The following RC3H1 variants were observed in gnomAD, a reference collection of about 807,000 sequenced individuals.
The protein encoded by RC3H1 is ring finger and CCCH-type domains 1.
RC3H1 carries 50 observed loss-of-function variants against 138.2 expected under a neutral mutation model. That is an observed-to-expected ratio of 0.36 (90% CI 0.29 to 0.46). The LOEUF is 0.46. Among genes scored for constraint, RC3H1 ranks in the 20% least tolerant of loss-of-function variants. The probability of loss-of-function intolerance (pLI) is 1.00; values close to 1 mark genes in which losing one functional copy is unlikely to be tolerated. For synonymous variants in RC3H1, 462 were observed against 489.1 expected, an observed-to-expected ratio of 0.94 and a Z score of 0.73; for missense variants, 1,031 against 1,388.1, an observed-to-expected ratio of 0.74 and a Z score of 4.09.
chr1:174,001,673 T>A (rs1292011856), intron 1 of RC3H1, among the ~76,000 whole-genome samples: 1 of 152,112 alleles, frequency 6.6e-6, no homozygotes, highest in East Asian at 1.9e-4. Flanking sequence ...TCTCAAGTGA[T>A]CAGCCTCAGC....
At chr1:173,940,784 C>T (rs1658821272) in intron 19 of RC3H1, among the ~76,000 whole-genome samples, 1 of 151,756 alleles carries the variant, frequency 6.6e-6, no homozygotes, top group Non-Finnish European at 1.5e-5. Context: ...ATAATTCAAC[C>T]TTGGATCTAA....
chr1:173,966,721 CAA>C (rs1214950103), intron 9 of RC3H1, among the ~76,000 whole-genome samples: 1 of 136,886 alleles, frequency 7.3e-6, no homozygotes, highest in Non-Finnish European at 1.6e-5. Flanking sequence ...TCTCAAAAAA[CAA>C]AAAAAAAAAG....
intron 17 of RC3H1, among the ~76,000 whole-genome samples, chr1:173,944,895 T>C (rs1425464898): frequency 1.3e-5 from 2 of 152,176 alleles, no homozygotes; most frequent in African/African-American, 4.8e-5. Flanking sequence ...AAAGTCTGTC[T>C]TATAACTTTT....
At position 173,938,268 on chromosome 1, in the gene RC3H1, T is replaced by C. The variant is rs1658685039; in HGVS notation, c.*453A>G. On this transcript the variant is annotated 3_prime_UTR_variant, in exon 20 of 20. Coordinates refer to ENST00000367696, the MANE Select transcript of RC3H1 (RefSeq NM_172071.4). ...ACATTTTTGGTCTGTTTTAAGTTTA[T>C]GGGGTGGTGAGAATTGATAAGGATT... 6.5e-6 allele frequency: 1 copy of C among 152,724 alleles called. No homozygotes were observed. Among genetic ancestry groups the C allele is most frequent in the African/African-American group, 2.4e-5 (1 of 41,424 alleles). 9.5% of individuals were successfully genotyped at this position (152,724 alleles called of 1,614,324 possible). A position where few individuals can be genotyped will look rare whatever the true frequency, so the allele number is the denominator to read the frequency against.
chr1:173,986,839 C>T (rs1275154063), intron 2 of RC3H1, among the ~76,000 whole-genome samples: 1 of 152,218 alleles, frequency 6.6e-6, no homozygotes, highest in Non-Finnish European at 1.5e-5. Context: ...GCTGGGATTA[C>T]AGGTGTGAGC....
intron 5 of RC3H1, among the ~76,000 whole-genome samples, chr1:173,982,304 A>T (rs1660857698): frequency 6.6e-6 from 1 of 151,488 alleles, no homozygotes; most frequent in African/African-American, 2.4e-5. Context: ...GCTTGAACGC[A>T]GGAGGTGGAG....
chr1:173,965,117 A>G lies in RC3H1; in HGVS notation c.1338T>C (p.Phe446=). 1 of 1,607,074 alleles carries G rather than the reference A, an allele frequency of 6.2e-7. No individual in the cohort carries two copies. The highest frequency in any genetic ancestry group is 2.2e-5 in the East Asian group (1 of 44,820). ...GAACCAGGCGCTTATTCATTTTACG[A>G]AATCTATATAAAAAGCATAGGCACA... ...FAHSQEELEK[F]RKMNKRLVPR... The change falls in exon 10 of 20, where the codon TTT becomes TTC. Residue 446 remains phenylalanine (F), a synonymous_variant. Coordinates refer to ENST00000367696, the MANE Select transcript of RC3H1 (RefSeq NM_172071.4).
intron 18 of RC3H1, among the ~76,000 whole-genome samples, chr1:173,942,425 TCTC>T (rs1658917016): frequency 1.6e-5 from 1 of 63,878 alleles, no homozygotes; most frequent in Admixed American, 2.0e-4. Context: ...AGAGACTCAG[TCTC>T]AAAAAAAAAA....
chr1:174,012,850 A>G (rs763624672), intron 1 of RC3H1, among the ~76,000 whole-genome samples: 12 of 151,066 alleles, frequency 7.9e-5, no homozygotes, highest in Non-Finnish European at 1.5e-4. Flanking sequence ...TTCTAATACC[A>G]ACTCTGCCAT....
At chr1:173,977,171 G>A (rs1047598135) in intron 7 of RC3H1, among the ~76,000 whole-genome samples, 12 of 151,988 alleles carry the variant, frequency 7.9e-5, no homozygotes, top group Non-Finnish European at 1.3e-4. Flanking sequence ...TGATCCGCCC[G>A]CCTCGGCCTC....
rs922783804 is a variant in RC3H1 at position 173,937,254 on chromosome 1, C to T, written c.*1467G>A. On this transcript the variant is annotated 3_prime_UTR_variant, in exon 20 of 20. Coordinates refer to ENST00000367696, the MANE Select transcript of RC3H1 (RefSeq NM_172071.4). ...GAGCTTAGACTGAGGTTGTTATGAC[C>T]TCAGCAGGAGTTAAGGGTTAAGAAA... 1 of 152,098 alleles carries T rather than the reference C, an allele frequency of 6.6e-6. No homozygotes were observed. Among genetic ancestry groups the T allele is most frequent in the Admixed American group, 6.6e-5 (1 of 15,206 alleles). The allele number at this position is 152,098 out of a possible 1,614,324, so 9.4% of individuals were successfully genotyped here. A position where few individuals can be genotyped will look rare whatever the true frequency, so the allele number is the denominator to read the frequency against.
chr1:173,940,534 T>G (rs987964690), intron 19 of RC3H1, among the ~76,000 whole-genome samples: 1 of 150,172 alleles, frequency 6.7e-6, no homozygotes. Context: ...TCTCTGAATA[T>G]TGGAATTACA....
chr1:173,978,219 C>T (rs1279963940), intron 7 of RC3H1, among the ~76,000 whole-genome samples: 3 of 151,696 alleles, frequency 2.0e-5, no homozygotes, highest in East Asian at 1.9e-4. Flanking sequence ...AATTTTGTGA[C>T]GGGAGAAAGA....
chr1:173,939,606 G>A (rs963151298), intron 19 of RC3H1, among the ~76,000 whole-genome samples: 2 of 150,752 alleles, frequency 1.3e-5, no homozygotes, highest in East Asian at 1.9e-4. Context: ...GGAGGCCGAG[G>A]CGGGTGGATC....
intron 6 of RC3H1, among the ~76,000 whole-genome samples, chr1:173,979,946 T>C (rs367933454): frequency 1.3e-5 from 2 of 151,934 alleles, no homozygotes; most frequent in East Asian, 3.9e-4. Flanking sequence ...GGTGCTAACA[T>C]AGCTCACTGC....
chr1:173,952,039 T>G lies in RC3H1; in HGVS notation c.2470A>C (p.Thr824Pro). The G allele has an allele frequency of 6.2e-7, 1 of 1,608,206 alleles. No homozygotes were observed. Among genetic ancestry groups the G allele is most frequent in the Non-Finnish European group, 8.5e-7 (1 of 1,176,966 alleles). ...SCDTIGSYIGTKDAKPKDVVA... is the reference protein window; with the variant it reads ...SCDTIGSYIGPKDAKPKDVVA... Reference sequence around the variant, plus strand: ...ACATCTTTGGGTTTTGCATCTTTGGTTCCAATGTAGGAGCCGATGGTGTCA... The same window carrying G: ...ACATCTTTGGGTTTTGCATCTTTGGGTCCAATGTAGGAGCCGATGGTGTCA... Residue 824 changes from threonine (T) to proline (P), a missense_variant, in exon 14 of 20, where the codon ACC becomes CCC. Physicochemically the swap from Thr to Pro is conservative, Grantham distance 38 (BLOSUM62 -1). Around this residue, in one of 7 missense-constraint regions of RC3H1, gnomAD observed 716 missense variants for 837.9 expected, o/e 0.85. Coordinates refer to ENST00000367696, the MANE Select transcript of RC3H1 (RefSeq NM_172071.4).
chr1:173,944,463 A>G (rs1407467810), intron 17 of RC3H1, among the ~76,000 whole-genome samples: 2 of 152,198 alleles, frequency 1.3e-5, no homozygotes, highest in Non-Finnish European at 2.9e-5. Context: ...GATATACCTA[A>G]TGTAAATGAC....
At position 173,951,188 on chromosome 1, in the gene RC3H1, G is replaced by C. The variant is rs141951331; in HGVS notation, c.2523+798C>G. Among the ~76,000 whole-genome samples, 249 of 152,200 alleles carry C rather than the reference G, an allele frequency of 1.6e-3. 1 individual carries two copies. Among genetic ancestry groups the C allele is most frequent in the African/African-American group, 5.7e-3 (237 of 41,526 alleles). ...AAAAAATATAAAATTAGCTGGCCGT[G>C]GTGGCGCATGCCTCTAATCCCAGCT... On this transcript the variant is annotated intron_variant, in intron 14 of 19. Coordinates refer to ENST00000367696, the MANE Select transcript of RC3H1 (RefSeq NM_172071.4).
intron 1 of RC3H1, among the ~76,000 whole-genome samples, chr1:174,008,839 T>A (rs1661699123): frequency 6.6e-6 from 1 of 152,032 alleles, no homozygotes; most frequent in South Asian, 2.1e-4. Flanking sequence ...TAGCCAGGCG[T>A]GGTGGCGGGC....
Sources: gnomAD v4.1 joint callset for allele counts (sites outside exome capture counted in the v4.1 genomes callset) on GRCh38, gnomAD v4.1.1 for gene constraint, gnomAD v4.1.1 regional missense constraint, MANE v1.5 for transcripts, NCBI Gene and HGNC (gene_info 2026-07-23, HGNC 2026-07-21) for gene names.